Variants in COLEC11 observed in about 807,000 individuals in gnomAD.
COLEC11 encodes collectin subfamily member 11.
COLEC11 carries 20 observed loss-of-function variants against 27.3 expected under a neutral mutation model. The observed-to-expected ratio is 0.73, with a 90% confidence interval of 0.51 to 1.06. The LOEUF is 1.06. Ranked by LOEUF, COLEC11 falls within the 50% of genes least tolerant of loss-of-function variation. The pLI, the probability that COLEC11 is intolerant of heterozygous loss-of-function variation, is 0.00. For missense variants in COLEC11, 310 were observed against 383.0 expected, an observed-to-expected ratio of 0.81 and a Z score of 1.59; for synonymous variants, 163 against 154.7, an observed-to-expected ratio of 1.05 and a Z score of -0.40.
At chr2:3,615,203 G>C (rs1663569538) in intron 3 of COLEC11, among the ~76,000 whole-genome samples, 3 of 151,956 alleles carry the variant, frequency 2.0e-5, no homozygotes, top group Admixed American at 2.0e-4. Context: ...ATTTGGCAGG[G>C]TCATAGGACA....
chr2:3,625,934 A>G, intron 3 of COLEC11: 1 of 1,356,142 alleles, frequency 7.4e-7, no homozygotes, highest in Non-Finnish European at 1.0e-6. Context: ...TACCTGGCAG[A>G]CTTTGCAAAG....
chr2:3,621,792 T>A (rs1664206506), intron 3 of COLEC11, among the ~76,000 whole-genome samples: 2 of 152,256 alleles, frequency 1.3e-5, no homozygotes, highest in Non-Finnish European at 2.9e-5. Flanking sequence ...ACAACTTAAC[T>A]TTGATCACAC....
At chr2:3,616,141 C>G (rs1327849789) in intron 3 of COLEC11, among the ~76,000 whole-genome samples, 1,572 of 145,694 alleles carry the variant, frequency 0.011, 37 homozygotes, top group African/African-American at 0.039. Flanking sequence ...TGGGCAGAGG[C>G]GCTCCTCACA....
At chr2:3,617,855 A>C (rs7576886) in intron 3 of COLEC11, 430,286 of 591,858 alleles carry the variant, frequency 0.73, 157,131 homozygotes, top group South Asian at 0.84. Flanking sequence ...CCAATGCTTA[A>C]TCTCTTTTGA....
rs185796682 is a variant in COLEC11 at position 3,616,476 on chromosome 2, A to G, written c.202+3094A>G. On this transcript the variant is annotated intron_variant, in intron 3 of 6. Coordinates refer to ENST00000349077, the MANE Select transcript of COLEC11 (RefSeq NM_024027.5). Reference sequence around the variant, plus strand: ...CACTCCAGCCTGGGCAACATTGAGCACTGAGTGAACGAGACTCCGTCTGCA... The same window carrying G: ...CACTCCAGCCTGGGCAACATTGAGCGCTGAGTGAACGAGACTCCGTCTGCA... Among the ~76,000 whole-genome samples the G allele has an allele frequency of 4.3e-3, 652 of 152,350 alleles. 2 individuals carry two copies. The highest frequency in any genetic ancestry group is 0.015 in the African/African-American group (617 of 41,566).
intron 3 of COLEC11, among the ~76,000 whole-genome samples, chr2:3,616,012 GC>G (rs1663688174): frequency 6.6e-6 from 1 of 151,316 alleles, no homozygotes; most frequent in South Asian, 2.1e-4. Flanking sequence ...CGGGGCGGCT[GC>G]CCGGCGGAGG....
In COLEC11 at chr2:3,609,182, G is replaced by GA. The variant is rs1422785284; in HGVS notation, c.131-4125dup. Among the ~76,000 whole-genome samples, 3 of 152,188 alleles carry GA rather than the reference G, an allele frequency of 2.0e-5. No individual in the cohort carries two copies. In the East Asian group the frequency reaches 5.8e-4, roughly 29 times the overall value. ...TTTGTGATTAGCTGAGAGATATAAA[G>GA]AAAACGTGTGTTAAATCCTCTTCTT... On this transcript the variant is annotated intron_variant, in intron 2 of 6. Coordinates refer to ENST00000349077, the MANE Select transcript of COLEC11 (RefSeq NM_024027.5).
At chr2:3,626,891 C>T (rs868108167) in intron 3 of COLEC11, among the ~76,000 whole-genome samples, 10 of 152,126 alleles carry the variant, frequency 6.6e-5, no homozygotes, top group African/African-American at 1.4e-4. Flanking sequence ...CCCCAGGGGG[C>T]GCAGATGGGC....
At chr2:3,633,944 A>C (rs569410674) in intron 3 of COLEC11, among the ~76,000 whole-genome samples, 1 of 152,308 alleles carries the variant, frequency 6.6e-6, no homozygotes, top group East Asian at 1.9e-4. Context: ...AGGGAATATC[A>C]GCTTTTCTGT....
chr2:3,643,647 G>T lies in COLEC11; in HGVS notation c.425-80G>T, dbSNP rs943943074. ...CACGCCTGCCCTGCCTGCCCTGCCG[G>T]CCCCTGCTGCCTGTGGCTGTGCCTT... On this transcript the variant is annotated intron_variant, in intron 6 of 6. Transcript: ENST00000349077. 1.9e-6 allele frequency: 3 copies of T among 1,606,604 alleles called. No homozygotes were observed. In the African/African-American group the frequency reaches 4.0e-5, roughly 21 times the overall value.
chr2:3,596,134 C>T (rs1451239551), intron 1 of COLEC11, among the ~76,000 whole-genome samples: 2 of 152,126 alleles, frequency 1.3e-5, no homozygotes, highest in African/African-American at 4.8e-5. Flanking sequence ...CCAGAAGGTG[C>T]TCTGTCACTG....
intron 2 of COLEC11, among the ~76,000 whole-genome samples, chr2:3,609,610 A>C (rs1360482047): frequency 1.3e-5 from 2 of 150,576 alleles, no homozygotes; most frequent in Admixed American, 1.3e-4. Context: ...GCTCACTGCA[A>C]CCTCTGCCTC....
rs1412200158 is a variant in COLEC11 at position 3,644,384 on chromosome 2, G to T, written c.*266G>T. Reference sequence around the variant, plus strand: ...CATTATGTAATTATTACCCAGAATTGCTCTTCCATAAAGCTTGTGCCTTTG... The same window carrying T: ...CATTATGTAATTATTACCCAGAATTTCTCTTCCATAAAGCTTGTGCCTTTG... On this transcript the variant is annotated 3_prime_UTR_variant, in exon 7 of 7. Coordinates refer to ENST00000349077, the MANE Select transcript of COLEC11 (RefSeq NM_024027.5). The T allele has an allele frequency of 1.5e-6, 1 of 645,770 alleles. No homozygotes were observed. Among genetic ancestry groups the T allele is most frequent in the Non-Finnish European group, 2.8e-6 (1 of 351,008 alleles). 40.0% of individuals were successfully genotyped at this position (645,770 alleles called of 1,614,324 possible).
At chr2:3,624,049 GCTTCT>G (rs1034250632) in intron 3 of COLEC11, among the ~76,000 whole-genome samples, 1 of 152,108 alleles carries the variant, frequency 6.6e-6, no homozygotes, top group African/African-American at 2.4e-5. Context: ...CACACCTTTT[GCTTCT>G]CTTGGAGAGG....
chr2:3,642,218 A>C (rs1665920151), intron 5 of COLEC11, among the ~76,000 whole-genome samples: 1 of 152,174 alleles, frequency 6.6e-6, no homozygotes, highest in Non-Finnish European at 1.5e-5. Context: ...TCGATTTTGG[A>C]GCCCAGACTG....
chr2:3,614,002 A>T (rs144337896), intron 3 of COLEC11, among the ~76,000 whole-genome samples: 2,344 of 121,202 alleles, frequency 0.019, 89 homozygotes, highest in African/African-American at 0.069. Flanking sequence ...TTTGAGACTG[A>T]GTCTTGCTCT....
intron 1 of COLEC11, among the ~76,000 whole-genome samples, chr2:3,601,669 T>C (rs1041354588): frequency 3.3e-5 from 5 of 152,156 alleles, no homozygotes; most frequent in African/African-American, 9.7e-5. Context: ...TTAAGGTCTG[T>C]AGGTTTTCAC....
chr2:3,608,075 A>G (rs193204589), intron 2 of COLEC11, among the ~76,000 whole-genome samples: 1 of 152,358 alleles, frequency 6.6e-6, no homozygotes, highest in East Asian at 1.9e-4. Context: ...CTGGCTATAA[A>G]TATGTCGAAG....
chr2:3,609,074 C>G (rs1326781969), intron 2 of COLEC11, among the ~76,000 whole-genome samples: 1 of 152,248 alleles, frequency 6.6e-6, no homozygotes, highest in Non-Finnish European at 1.5e-5. Flanking sequence ...CTGCCCAGCA[C>G]TGGCTGAAAT....
Sources: allele counts gnomAD v4.1 joint callset (sites outside exome capture counted in the v4.1 genomes callset), GRCh38; gene constraint gnomAD v4.1.1; transcripts MANE v1.5; gene names NCBI Gene and HGNC (gene_info 2026-07-23, HGNC 2026-07-21).